Variants in EEIG2 observed in about 807,000 individuals in gnomAD.
EEIG2 encodes the protein EEIG family member 2.
the EEIG2 span, chr1:108,629,910 C>T: frequency 4.4e-6 from 2 of 451,522 alleles, no homozygotes; most frequent in Admixed American, 3.7e-5. Context: ...AGTCAAGGAC[C>T]AGTAGACCAT....
the EEIG2 span, among the ~76,000 whole-genome samples, chr1:108,622,074 TTGAAC>T: frequency 6.6e-6 from 1 of 152,238 alleles, no homozygotes; most frequent in Admixed American, 6.5e-5. Context: ...GGAGAATCAC[TTGAAC>T]CCGGGAGGCG....
the EEIG2 span, among the ~76,000 whole-genome samples, chr1:108,563,654 C>CA: frequency 6.6e-6 from 1 of 152,146 alleles, no homozygotes; most frequent in African/African-American, 2.4e-5. Flanking sequence ...AACAACTAAA[C>CA]ATGCAGATCA....
At chr1:108,623,473 T>C in the EEIG2 span, among the ~76,000 whole-genome samples, 14 of 151,800 alleles carry the variant, frequency 9.2e-5, no homozygotes, top group East Asian at 2.2e-3. Context: ...CCAACCTGGG[T>C]GACAAAGCGA....
the EEIG2 span, among the ~76,000 whole-genome samples, chr1:108,593,048 C>T: frequency 3.9e-5 from 6 of 152,158 alleles, no homozygotes; most frequent in Admixed American, 3.9e-4. Context: ...GTCCTAGCTA[C>T]TCGGGAGGCT....
At chr1:108,566,996 G>GT in the EEIG2 span, among the ~76,000 whole-genome samples, 1 of 152,042 alleles carries the variant, frequency 6.6e-6, no homozygotes, top group Non-Finnish European at 1.5e-5. Context: ...TAGATCATAA[G>GT]TGTTCTCCAA....
At chr1:108,617,811 CAGAA>C in the EEIG2 span, among the ~76,000 whole-genome samples, 1 of 152,072 alleles carries the variant, frequency 6.6e-6, no homozygotes, top group Non-Finnish European at 1.5e-5. Flanking sequence ...GAAACGGCCT[CAGAA>C]AGGCAGGAAT....
the EEIG2 span, chr1:108,612,343 T>A: frequency 8.2e-7 from 1 of 1,221,804 alleles, no homozygotes; most frequent in Non-Finnish European, 1.2e-6. Context: ...TATCTGCCTT[T>A]AAATAAGCGT....
the EEIG2 span, among the ~76,000 whole-genome samples, chr1:108,630,727 A>G: frequency 6.6e-6 from 1 of 152,164 alleles, no homozygotes; most frequent in Non-Finnish European, 1.5e-5. Context: ...TAGGAATTCT[A>G]ATCACTCACT....
the EEIG2 span, chr1:108,627,397 C>G: frequency 1.3e-5 from 2 of 152,236 alleles, no homozygotes; most frequent in Non-Finnish European, 2.9e-5. Flanking sequence ...CCTTCTGCTT[C>G]TAAGTTAAAA....
chr1:108,592,869 G>A, the EEIG2 span, among the ~76,000 whole-genome samples: 3 of 152,156 alleles, frequency 2.0e-5, no homozygotes, highest in African/African-American at 4.8e-5. Flanking sequence ...GCTGGGTGTG[G>A]TGACTTGGCC....
At chr1:108,607,199 T>C in the EEIG2 span, among the ~76,000 whole-genome samples, 1 of 152,224 alleles carries the variant, frequency 6.6e-6, no homozygotes, top group East Asian at 1.9e-4. Context: ...CTCTATGTGA[T>C]GACTTTGTTC....
At chr1:108,567,737 C>T in the EEIG2 span, among the ~76,000 whole-genome samples, 2 of 152,118 alleles carry the variant, frequency 1.3e-5, no homozygotes, top group Non-Finnish European at 1.5e-5. Flanking sequence ...TGGGCTCATG[C>T]CTGTAATCCC....
the EEIG2 span, chr1:108,636,145 T>C: frequency 1.3e-5 from 2 of 152,244 alleles, no homozygotes; most frequent in African/African-American, 4.8e-5. Context: ...CTGTAGGTAC[T>C]GTTTTCTTCC....
At chr1:108,595,404 G>A in the EEIG2 span, among the ~76,000 whole-genome samples, 2 of 139,628 alleles carry the variant, frequency 1.4e-5, no homozygotes, top group African/African-American at 5.4e-5. Context: ...AGGAAGGAGC[G>A]AGCTTTTACA....
At chr1:108,578,779 A>T in the EEIG2 span, among the ~76,000 whole-genome samples, 1 of 149,726 alleles carries the variant, frequency 6.7e-6, no homozygotes, top group Non-Finnish European at 1.5e-5. Context: ...AGTGGGGGCC[A>T]ATATTCAACA....
At chr1:108,608,239 A>G in the EEIG2 span, among the ~76,000 whole-genome samples, 1 of 152,160 alleles carries the variant, frequency 6.6e-6, no homozygotes, top group Non-Finnish European at 1.5e-5. Flanking sequence ...CAACTCATGT[A>G]TCGTTAAAGA....
chr1:108,597,565 C>T, the EEIG2 span, among the ~76,000 whole-genome samples: 4 of 152,174 alleles, frequency 2.6e-5, no homozygotes, highest in East Asian at 1.9e-4. Flanking sequence ...CTCCTTCATT[C>T]GACTTCAAAA....
At chr1:108,633,279 T>C in the EEIG2 span, among the ~76,000 whole-genome samples, 2 of 152,042 alleles carry the variant, frequency 1.3e-5, no homozygotes, top group Admixed American at 1.3e-4. Flanking sequence ...AGATGACTTA[T>C]GTAACATTTT....
chr1:108,604,125 A>G, the EEIG2 span, among the ~76,000 whole-genome samples: 38 of 152,346 alleles, frequency 2.5e-4, no homozygotes, highest in African/African-American at 8.7e-4. Flanking sequence ...TGTAAACAGC[A>G]AGTCTGGCAT....
Sources: gnomAD v4.1 joint callset for allele counts (sites outside exome capture counted in the v4.1 genomes callset) on GRCh38, gnomAD v4.1.1 for gene constraint, MANE v1.5 for transcripts, NCBI Gene and HGNC (gene_info 2026-07-23, HGNC 2026-07-21) for gene names.